FGGY: variants seen among roughly 807,000 people sequenced by gnomAD.
FGGY encodes the protein FGGY carbohydrate kinase domain-containing protein.
Under a neutral mutation model 71.3 loss-of-function variants are expected in FGGY, and 72 were observed. That is an observed-to-expected ratio of 1.01 (90% confidence interval 0.84 to 1.23). The LOEUF (loss-of-function observed/expected upper bound fraction) is 1.23. Ranked by LOEUF, FGGY falls within the 50% of genes most tolerant of loss-of-function variation. FGGY has a pLI of 0.00. For missense variants in FGGY, 668 were observed against 682.3 expected (o/e 0.98, Z 0.23); for synonymous variants, 251 against 250.3 (o/e 1.00, Z -0.02).
intron 14 of FGGY, among the ~76,000 whole-genome samples, chr1:59,742,389 A>T (rs894523287): frequency 1.3e-5 from 2 of 152,188 alleles, no homozygotes; most frequent in African/African-American, 4.8e-5. Flanking sequence ...CACTCCCTTC[A>T]TTGAAACACG....
chr1:59,585,551 T>C (rs1371254444), intron 8 of FGGY, among the ~76,000 whole-genome samples: 5 of 152,172 alleles, frequency 3.3e-5, no homozygotes, highest in African/African-American at 1.2e-4. Context: ...ATGTTAGACC[T>C]GAAACTATAA....
chr1:59,668,386 TA>T (rs1196261859), intron 13 of FGGY, among the ~76,000 whole-genome samples: 1 of 152,156 alleles, frequency 6.6e-6, no homozygotes. Context: ...GGAAGGGTTG[TA>T]CCCATCCCAT....
At chr1:59,317,060 C>G (rs1263617578) in intron 1 of FGGY, among the ~76,000 whole-genome samples, 1 of 152,208 alleles carries the variant, frequency 6.6e-6, no homozygotes, top group Non-Finnish European at 1.5e-5. Context: ...AAACAGCTTC[C>G]TGTCTGAGAA....
In FGGY at chr1:59,491,048, TTCC is replaced by T. The variant is rs1558107930; in HGVS notation, c.671-21261_671-21259del. ...CCTTTCCTTTCCTTTCCTTCCTTCCTTCCTTCCTTCCTTCCTTCCTTCCTTCCT... is the reference window on the plus strand; with the variant it reads ...CCTTTCCTTTCCTTTCCTTCCTTCCTTTCCTTCCTTCCTTCCTTCCTTCCT... On this transcript the variant is annotated intron_variant, in intron 6 of 15. Transcript: ENST00000303721. 5.9e-3 allele frequency among the ~76,000 whole-genome samples: 4 copies of T among 676 alleles called. 1 individual carries two copies. Among genetic ancestry groups the T allele is most frequent in the African/African-American group, 0.012 (1 of 82 alleles). The allele number at this position is 676 out of a possible 152,430, so 0.4% of individuals were successfully genotyped here.
intron 8 of FGGY, among the ~76,000 whole-genome samples, chr1:59,572,610 A>C (rs879716418): frequency 1.3e-5 from 2 of 152,174 alleles, no homozygotes; most frequent in Non-Finnish European, 2.9e-5. Context: ...GAAGACTGGG[A>C]GTCTGTGTGA....
At chr1:59,553,419 C>T (rs1033955223) in intron 7 of FGGY, among the ~76,000 whole-genome samples, 10 of 152,108 alleles carry the variant, frequency 6.6e-5, no homozygotes, top group Admixed American at 5.9e-4. Flanking sequence ...CTTTAGTTGC[C>T]CTGCAAGTAT....
chr1:59,668,947 C>T (rs568536818), intron 13 of FGGY, among the ~76,000 whole-genome samples: 318 of 147,040 alleles, frequency 2.2e-3, no homozygotes, highest in Non-Finnish European at 3.2e-3. Flanking sequence ...GCCGAGATTG[C>T]GCCATTGCAC....
At chr1:59,468,998 G>A (rs896139433) in intron 6 of FGGY, among the ~76,000 whole-genome samples, 1 of 152,000 alleles carries the variant, frequency 6.6e-6, no homozygotes, top group African/African-American at 2.4e-5. Context: ...TGGTCACACT[G>A]AATCAAAGTT....
At chr1:59,673,004 C>T (rs887693844) in intron 13 of FGGY, among the ~76,000 whole-genome samples, 2 of 152,110 alleles carry the variant, frequency 1.3e-5, no homozygotes, top group African/African-American at 4.8e-5. Context: ...TCATCTCCAC[C>T]GTAATCTGTG....
chr1:59,393,432 A>G (rs1480223963), intron 5 of FGGY: 1 of 152,204 alleles, frequency 6.6e-6, no homozygotes, highest in African/African-American at 2.4e-5. Context: ...ATGTGTCTTA[A>G]TTTGACAAAG....
chr1:59,445,580 CATT>C (rs751462262), intron 5 of FGGY, among the ~76,000 whole-genome samples: 4 of 152,228 alleles, frequency 2.6e-5, no homozygotes, highest in African/African-American at 4.8e-5. Flanking sequence ...GAGAACATCT[CATT>C]GTTGTCCCTG....
chr1:59,456,922 A>ATATGGTCAGTTCTATCTATATCTCTTC lies in FGGY; in HGVS notation c.555-35_555-9dup, dbSNP rs1553217474. 4 of 1,465,204 alleles carry ATATGGTCAGTTCTATCTATATCTCTTC rather than the reference A, an allele frequency of 2.7e-6. No individual in the cohort carries two copies. In the African/African-American group the frequency reaches 5.6e-5, roughly 21 times the overall value. The allele number at this position is 1,465,204 out of a possible 1,614,324, so 90.8% of individuals were successfully genotyped here. Reference sequence around the variant, plus strand: ...GCAAAATATAAAGGAAGCCTCACTCATATGGTCAGTTCTATCTATATCTCT... The same window carrying ATATGGTCAGTTCTATCTATATCTCTTC: ...GCAAAATATAAAGGAAGCCTCACTCATATGGTCAGTTCTATCTATATCTCTTCTATGGTCAGTTCTATCTATATCTCT... On this transcript the variant is annotated intron_variant, in intron 5 of 15. Transcript: ENST00000303721.
intron 8 of FGGY, among the ~76,000 whole-genome samples, chr1:59,592,249 C>T (rs546245690): frequency 6.6e-6 from 1 of 152,098 alleles, no homozygotes; most frequent in Non-Finnish European, 1.5e-5. Flanking sequence ...CATCTCACAC[C>T]AGTTAGAATG....
chr1:59,648,981 T>C (rs2153925146), intron 11 of FGGY, among the ~76,000 whole-genome samples: 1 of 151,706 alleles, frequency 6.6e-6, no homozygotes, highest in South Asian at 2.1e-4. Flanking sequence ...TAGCCAGTTT[T>C]CCCAGCACCA....
rs1464945054 is a variant in FGGY at position 59,532,321 on chromosome 1, G to A, written c.799+19882G>A. Among the ~76,000 whole-genome samples the A allele has an allele frequency of 2.6e-5, 4 of 152,122 alleles. 1 individual carries two copies. The highest frequency in any genetic ancestry group is 9.7e-5 in the African/African-American group (4 of 41,428). ...TTTATACTACAGCCAGTATACAAAA[G>A]GATGGAAAATACATGAAATACACAA... On this transcript the variant is annotated intron_variant, in intron 7 of 15. Transcript: ENST00000303721.
intron 4 of FGGY, among the ~76,000 whole-genome samples, chr1:59,371,049 C>T (rs2057529110): frequency 2.0e-5 from 3 of 151,926 alleles, no homozygotes; most frequent in South Asian, 2.1e-4. Context: ...CAAATTCACA[C>T]ATAACAATAT....
chr1:59,501,798 G>T (rs1040887599), intron 6 of FGGY, among the ~76,000 whole-genome samples: 7 of 152,138 alleles, frequency 4.6e-5, no homozygotes, highest in African/African-American at 1.7e-4. Flanking sequence ...AGCTTTCACA[G>T]GTTCTGCAGT....
chr1:59,449,782 G>A (rs768489044), intron 5 of FGGY, among the ~76,000 whole-genome samples: 3 of 152,092 alleles, frequency 2.0e-5, no homozygotes, highest in Non-Finnish European at 2.9e-5. Context: ...CAGCAACATA[G>A]TGAGACCCCC....
At chr1:59,375,464 C>T (rs990255807) in intron 4 of FGGY, among the ~76,000 whole-genome samples, 8 of 152,164 alleles carry the variant, frequency 5.3e-5, no homozygotes, top group South Asian at 2.1e-4. Flanking sequence ...CTTCTGAGAC[C>T]ATGTGCATAC....
Sources: gnomAD v4.1 joint callset for allele counts (sites outside exome capture counted in the v4.1 genomes callset) on GRCh38, gnomAD v4.1.1 for gene constraint, MANE v1.5 for transcripts, NCBI Gene and HGNC (gene_info 2026-07-23, HGNC 2026-07-21) for gene names.